Variants in AKNA observed in about 807,000 individuals in gnomAD.
The protein encoded by AKNA is microtubule organization protein AKNA.
In AKNA, 67 loss-of-function variants were observed where a neutral mutation model predicts 138.8. That is an observed-to-expected ratio of 0.48 (90% CI 0.40 to 0.59). The LOEUF (loss-of-function observed/expected upper bound fraction) is 0.59, where lower values mean the gene tolerates loss of function less well. AKNA is among the 20% of genes least tolerant of loss of function. AKNA has a pLI of 0.00. For synonymous variants in AKNA, 737 were observed against 754.4 expected, an observed-to-expected ratio of 0.98 and a Z score of 0.38; for missense variants, 1,813 against 1,880.4, an observed-to-expected ratio of 0.96 and a Z score of 0.66.
intron 1 of AKNA, among the ~76,000 whole-genome samples, chr9:114,386,033 G>C (rs1834007427): frequency 1.3e-5 from 2 of 152,090 alleles, no homozygotes; most frequent in South Asian, 4.1e-4. Flanking sequence ...GCAGGGTATG[G>C]GACTCAAAGA....
downstream of AKNA, among the ~76,000 whole-genome samples, chr9:114,333,990 TAAA>T (rs767800806): frequency 0.038 from 4,592 of 122,252 alleles, 1 homozygote; most frequent in Admixed American, 0.059. Flanking sequence ...TCTCATTGTT[TAAA>T]AGTGTGTAGC....
intron 18 of AKNA, 163 bp downstream of exon 18, chr9:114,345,700 G>C (rs536376959): frequency 1.7e-6 from 1 of 580,276 alleles, no homozygotes; most frequent in Admixed American, 3.5e-5. Context: ...CAAGTGCACC[G>C]AGATTCATGG....
chr9:114,351,950 T>C (rs1232077406), intron 14 of AKNA, among the ~76,000 whole-genome samples: 2 of 152,298 alleles, frequency 1.3e-5, no homozygotes, highest in East Asian at 3.9e-4. Flanking sequence ...CTCCAGAGAA[T>C]TATGCTGAGT....
intron 12 of AKNA, 77 bp from the exon 13 acceptor site, chr9:114,357,046 T>G (rs1831551781): frequency 7.5e-7 from 1 of 1,325,432 alleles, no homozygotes; most frequent in Non-Finnish European, 1.0e-6. Flanking sequence ...AATCGTGGCC[T>G]GGCCTCACCT....
At chr9:114,393,787 T>G (rs1352730322) in intron 1 of AKNA, among the ~76,000 whole-genome samples, 1 of 141,082 alleles carries the variant, frequency 7.1e-6, no homozygotes. Flanking sequence ...AACAGTAAAA[T>G]ATGGAGGAAG....
chr9:114,389,565 C>A (rs1208457180), upstream of AKNA, among the ~76,000 whole-genome samples: 2 of 152,124 alleles, frequency 1.3e-5, no homozygotes, highest in Non-Finnish European at 2.9e-5. Context: ...GTAGCCACCC[C>A]ACAGGGGCTG....
intron 2 of AKNA, among the ~76,000 whole-genome samples, chr9:114,379,878 T>C (rs1213901461): frequency 6.6e-6 from 1 of 152,208 alleles, no homozygotes; most frequent in Admixed American, 6.5e-5. Context: ...TGTCCAGGCA[T>C]GACGGCTCGC....
At chr9:114,369,855 TCAC>T (rs1323892429) in intron 4 of AKNA, among the ~76,000 whole-genome samples, 1 of 152,084 alleles carries the variant, frequency 6.6e-6, no homozygotes, top group East Asian at 1.9e-4. Context: ...ACCACCATCA[TCAC>T]CATTTTTACC....
At position 114,355,929 on chromosome 9, in the gene AKNA, C is replaced by T. The variant is rs1417243645; in HGVS notation, c.3054G>A (p.Glu1018=). The T allele has an allele frequency of 6.2e-7, 1 of 1,614,220 alleles. No homozygotes were observed. Among genetic ancestry groups the T allele is most frequent in the East Asian group, 2.2e-5 (1 of 44,892 alleles). ...AAGTCAGACTCCTGCACTCACCCAT[C>T]TCGGCTGCCAGTGTCCGCTCCAGGC... ...NFSLERTLAA[E]MAVPGSEFEG... Residue 1018 remains glutamate, a synonymous_variant, in exon 14 of 22, where the codon GAG becomes GAA. Coordinates refer to ENST00000374088, the MANE Select transcript of AKNA (RefSeq NM_001317950.2).
chr9:114,345,357 G>A (rs1190132992), intron 18 of AKNA: 1 of 152,390 alleles, frequency 6.6e-6, no homozygotes, highest in Non-Finnish European at 1.5e-5. Context: ...TGGGATTAGA[G>A]GTGTGAGCCA....
intron 5 of AKNA, 194 bp downstream of exon 5, chr9:114,368,245 G>A (rs908751609): frequency 3.7e-6 from 2 of 547,744 alleles, no homozygotes; most frequent in Non-Finnish European, 5.5e-6. Context: ...GCTGCCCCCA[G>A]GCTGCTGTGG....
At chr9:114,352,411 A>C (rs545251747) in intron 14 of AKNA, among the ~76,000 whole-genome samples, 14 of 151,698 alleles carry the variant, frequency 9.2e-5, no homozygotes, top group Non-Finnish European at 2.1e-4. Flanking sequence ...TAGCCTGGCC[A>C]ACATGGTGAA....
At chr9:114,372,289 T>A (rs1832824604) in intron 4 of AKNA, among the ~76,000 whole-genome samples, 1 of 151,986 alleles carries the variant, frequency 6.6e-6, no homozygotes, top group African/African-American at 2.4e-5. Context: ...CTCACACACA[T>A]GAGCCAGGGG....
chr9:114,395,895 C>T (rs982860906), upstream of AKNA, among the ~76,000 whole-genome samples: 2 of 152,104 alleles, frequency 1.3e-5, no homozygotes, highest in African/African-American at 4.8e-5. Flanking sequence ...ACAATCCACT[C>T]TCCCGAGCTG....
At chr9:114,347,921 G>A (rs1179323933) in intron 15 of AKNA, 21 bp from the exon 16 acceptor site, 2 of 1,548,066 alleles carry the variant, frequency 1.3e-6, no homozygotes, top group East Asian at 4.9e-5. Context: ...AGTGGAGACA[G>A]AAACAAAGAA....
upstream of AKNA, among the ~76,000 whole-genome samples, chr9:114,391,305 T>C (rs971314641): frequency 2.0e-5 from 3 of 152,236 alleles, no homozygotes; most frequent in Non-Finnish European, 4.4e-5. Context: ...AGAGTGGAGC[T>C]TCTTACCAAC....
At position 114,346,027 on chromosome 9, in the gene AKNA, G is replaced by A. The variant is rs749585292; in HGVS notation, c.3515-18C>T. ...TTCTGAACCTGGGGTAGAAAAAGTG[G>A]GGCATCAGAGGGGGCAAGGGGTGGG... On this transcript the variant is annotated intron_variant, in intron 17 of 21. Coordinates refer to ENST00000374088, the MANE Select transcript of AKNA (RefSeq NM_001317950.2). 1.9e-6 allele frequency: 3 copies of A among 1,611,452 alleles called. No homozygotes were observed. The highest frequency in any genetic ancestry group is 1.7e-6 in the Non-Finnish European group (2 of 1,178,236).
chr9:114,375,022 G>T (rs12552881), intron 3 of AKNA, among the ~76,000 whole-genome samples: 13,897 of 152,258 alleles, frequency 0.091, 793 homozygotes, highest in Admixed American at 0.12. Context: ...ACCATCAGAG[G>T]CTGTCAAAAT....
intron 21 of AKNA, among the ~76,000 whole-genome samples, chr9:114,338,867 G>C (rs2131760676): frequency 6.6e-6 from 1 of 152,282 alleles, no homozygotes; most frequent in South Asian, 2.1e-4. Flanking sequence ...GGAAGGGGCA[G>C]CCATGGGTTC....
Sources: allele counts gnomAD v4.1 joint callset (sites outside exome capture counted in the v4.1 genomes callset), GRCh38; gene constraint gnomAD v4.1.1; transcripts MANE v1.5; gene names NCBI Gene and HGNC (gene_info 2026-07-23, HGNC 2026-07-21).